The following FAM135B variants were observed in gnomAD, a reference collection of about 807,000 sequenced individuals.
FAM135B encodes the protein family with sequence similarity 135 member B, also known as protein FAM135B.
In FAM135B, 43 loss-of-function variants were observed where a neutral mutation model predicts 127.7. The observed-to-expected ratio is 0.34, with a 90% CI of 0.26 to 0.43. FAM135B has a LOEUF of 0.43. FAM135B is among the 20% of genes least tolerant of loss of function. FAM135B has a pLI of 1.00. For missense variants in FAM135B, 1,558 were observed against 1,725.6 expected, an observed-to-expected ratio of 0.90 and a Z score of 1.72; for synonymous variants, 670 against 665.1, an observed-to-expected ratio of 1.01 and a Z score of -0.11.
At chr8:138,277,136 T>C (rs2137350) in intron 3 of FAM135B, among the ~76,000 whole-genome samples, 147,015 of 152,244 alleles carry the variant, frequency 0.97, 71,171 homozygotes, top group East Asian at 1. Context: ...TCACCTCATT[T>C]ATTCTCCTTC....
intron 2 of FAM135B, among the ~76,000 whole-genome samples, chr8:138,339,769 A>C (rs1828912660): frequency 6.6e-6 from 1 of 152,050 alleles, no homozygotes; most frequent in Non-Finnish European, 1.5e-5. Flanking sequence ...AGCCTCCCTC[A>C]CTCACATCCC....
intron 6 of FAM135B, among the ~76,000 whole-genome samples, chr8:138,246,282 G>T (rs55765978): frequency 0.02 from 3,021 of 152,288 alleles, 84 homozygotes; most frequent in Admixed American, 0.067. Flanking sequence ...TGTCTCTAGG[G>T]CATGTCAGAG....
chr8:138,373,231 G>A (rs936865753), intron 1 of FAM135B, among the ~76,000 whole-genome samples: 4 of 152,076 alleles, frequency 2.6e-5, no homozygotes, highest in Non-Finnish European at 5.9e-5. Context: ...CTGAAGCCAT[G>A]GCAGAAGAAA....
At chr8:138,492,648 C>T (rs1277735522) in intron 1 of FAM135B, among the ~76,000 whole-genome samples, 3 of 152,134 alleles carry the variant, frequency 2.0e-5, no homozygotes, top group African/African-American at 7.2e-5. Flanking sequence ...TGTTCCAGCC[C>T]TGCGGTTCCT....
At chr8:138,184,795 C>T (rs1021406388) in intron 9 of FAM135B, among the ~76,000 whole-genome samples, 5 of 152,128 alleles carry the variant, frequency 3.3e-5, no homozygotes, top group African/African-American at 1.2e-4. Context: ...CTATTCAAAC[C>T]GCCATACACG....
At chr8:138,195,065 T>G (rs949027999) in intron 9 of FAM135B, among the ~76,000 whole-genome samples, 193 bp downstream of exon 9, 1 of 152,228 alleles carries the variant, frequency 6.6e-6, no homozygotes, top group Non-Finnish European at 1.5e-5. Flanking sequence ...CCAAAATATC[T>G]AGCAAGGCAC....
chr8:138,372,965 C>A (rs945479340), intron 1 of FAM135B, among the ~76,000 whole-genome samples: 2 of 152,162 alleles, frequency 1.3e-5, no homozygotes, highest in African/African-American at 4.8e-5. Context: ...CATTTAAACC[C>A]TGCCTTGAGT....
intron 7 of FAM135B, among the ~76,000 whole-genome samples, chr8:138,232,293 T>A (rs192707578): frequency 6.6e-6 from 1 of 152,358 alleles, no homozygotes; most frequent in Admixed American, 6.5e-5. Context: ...AGTGCCTCAT[T>A]GTCACCATGT....
chr8:138,278,302 T>C (rs1391497123), intron 3 of FAM135B, among the ~76,000 whole-genome samples: 1 of 151,474 alleles, frequency 6.6e-6, no homozygotes, highest in Admixed American at 6.6e-5. Flanking sequence ...TTTTGACCCC[T>C]TGTGTCTGAG....
At chr8:138,407,136 A>G (rs868285041) in intron 1 of FAM135B, among the ~76,000 whole-genome samples, 36 of 151,280 alleles carry the variant, frequency 2.4e-4, no homozygotes, top group Admixed American at 8.6e-4. Context: ...GAGCCAAATC[A>G]TGAGTGAACT....
intron 3 of FAM135B, among the ~76,000 whole-genome samples, chr8:138,283,686 T>G (rs1824451837): frequency 6.6e-6 from 1 of 152,042 alleles, no homozygotes; most frequent in Admixed American, 6.6e-5. Context: ...GAGGCCTTAG[T>G]CGAATACGAA....
intron 2 of FAM135B, among the ~76,000 whole-genome samples, chr8:138,325,628 G>T (rs758579575): frequency 1.3e-5 from 2 of 152,164 alleles, no homozygotes; most frequent in Admixed American, 6.5e-5. Flanking sequence ...CTTACAAGCT[G>T]CAGGGAAGAA....
intron 7 of FAM135B, among the ~76,000 whole-genome samples, chr8:138,198,242 C>T (rs2131146820): frequency 6.6e-6 from 1 of 152,360 alleles, no homozygotes; most frequent in African/African-American, 2.4e-5. Flanking sequence ...CCATGTAAGA[C>T]ATGACTTTGC....
At chr8:138,426,010 TATACAC>T (rs1318040522) in intron 1 of FAM135B, among the ~76,000 whole-genome samples, 11 of 16,198 alleles carry the variant, frequency 6.8e-4, no homozygotes, top group African/African-American at 4.4e-3. Flanking sequence ...TATATATATA[TATACAC>T]ACACATACAT....
chr8:138,222,067 A>G (rs1408025926), intron 7 of FAM135B, among the ~76,000 whole-genome samples: 2 of 152,180 alleles, frequency 1.3e-5, no homozygotes, highest in African/African-American at 4.8e-5. Flanking sequence ...GATGATGTAG[A>G]GAGTGGGAGG....
At position 138,132,617 on chromosome 8, in the gene FAM135B, C is replaced by T. The variant is rs1161416714; in HGVS notation, c.4197G>A (p.Val1399=). Residue 1399 remains valine, a synonymous_variant, in exon 20 of 20, where the codon GTG becomes GTA. Transcript: ENST00000395297. This position sits in a 1 kb window ranked among gnomAD's most constrained non-coding sequence, Gnocchi z 4.5. ...SELFLEKFFL[V]AGLNYFK is the part of the protein sequence containing the mutation. ...ACTACTTGAAGTAGTTGAGTCCTGC[C>T]ACCAAGAAAAACTTCTCCAGGAAGA... The T allele has an allele frequency of 9.9e-6, 16 of 1,614,030 alleles. No homozygotes were observed. The highest frequency in any genetic ancestry group is 1.3e-5 in the African/African-American group (1 of 74,916).
intron 1 of FAM135B, among the ~76,000 whole-genome samples, chr8:138,397,441 C>T (rs1441119840): frequency 3.3e-5 from 5 of 152,132 alleles, no homozygotes; most frequent in East Asian, 3.9e-4. Context: ...TATACAACAT[C>T]GTGAATGCGT....
chr8:138,418,769 T>A (rs1834315488), intron 1 of FAM135B, among the ~76,000 whole-genome samples: 1 of 151,842 alleles, frequency 6.6e-6, no homozygotes, highest in Non-Finnish European at 1.5e-5. Context: ...TTAACAAATC[T>A]GTAACCAATT....
intron 11 of FAM135B, among the ~76,000 whole-genome samples, chr8:138,170,805 G>A (rs1387240592): frequency 6.6e-6 from 1 of 151,768 alleles, no homozygotes; most frequent in Non-Finnish European, 1.5e-5. Context: ...TGCAAATTGT[G>A]GGATTGAGTG....
Sources: allele counts gnomAD v4.1 joint callset (sites outside exome capture counted in the v4.1 genomes callset), GRCh38; gene constraint gnomAD v4.1.1; non-coding constraint Gnocchi (gnomAD v3.1); transcripts MANE v1.5; gene names NCBI Gene and HGNC (gene_info 2026-07-23, HGNC 2026-07-21).